The following ITFG1 variants were observed in gnomAD, a reference collection of about 807,000 sequenced individuals.
ITFG1 encodes T-cell immunomodulatory protein.
In ITFG1, 34 loss-of-function variants were observed where a neutral mutation model predicts 81.8. The ratio of observed to expected loss-of-function variants is 0.42; its 90% CI spans 0.32 to 0.55. The LOEUF is 0.55. Ranked by LOEUF, ITFG1 falls within the 20% of genes least tolerant of loss-of-function variation. The probability of loss-of-function intolerance (pLI) is 0.17; values close to 1 mark genes in which losing one functional copy is unlikely to be tolerated. For synonymous variants in ITFG1, 285 were observed against 270.6 expected, an observed-to-expected ratio of 1.05 and a Z score of -0.52; for missense variants, 672 against 755.4, an observed-to-expected ratio of 0.89 and a Z score of 1.29.
intron 5 of ITFG1, among the ~76,000 whole-genome samples, chr16:47,431,633 GTACTAAATGA>G (rs921570615): frequency 1.3e-5 from 2 of 152,156 alleles, no homozygotes; most frequent in African/African-American, 4.8e-5. Flanking sequence ...AATTGTAAAT[GTACTAAATGA>G]TACTAAATTG....
chr16:47,372,062 G>A (rs1187315570), intron 7 of ITFG1, among the ~76,000 whole-genome samples: 11 of 151,816 alleles, frequency 7.2e-5, no homozygotes, highest in South Asian at 2.1e-4. Flanking sequence ...ACAGGCGCCC[G>A]CCACCGCACC....
chr16:47,238,170 C>T, intron 12 of ITFG1, 162 bp from the exon 13 acceptor site: 1 of 525,976 alleles, frequency 1.9e-6, no homozygotes. Context: ...TTCTGTTGTT[C>T]ACTTTATACC....
intron 10 of ITFG1, among the ~76,000 whole-genome samples, chr16:47,304,977 G>A (rs191743318): frequency 6.6e-6 from 1 of 152,096 alleles, no homozygotes; most frequent in Non-Finnish European, 1.5e-5. Flanking sequence ...AACTGTATAT[G>A]TTGATGATTC....
intron 14 of ITFG1, among the ~76,000 whole-genome samples, chr16:47,201,442 C>T (rs1276055479): frequency 1.3e-5 from 2 of 152,116 alleles, no homozygotes; most frequent in African/African-American, 2.4e-5. Context: ...CTCCTGACCT[C>T]GTGATCCTCC....
chr16:47,159,128 C>A, intron 16 of ITFG1, 138 bp from the exon 17 acceptor site: 2 of 418,280 alleles, frequency 4.8e-6, no homozygotes, highest in Non-Finnish European at 4.3e-6. Context: ...TCAGTCCATT[C>A]ATTATAAATA....
At chr16:47,177,748 C>G (rs536025229) in intron 14 of ITFG1, among the ~76,000 whole-genome samples, 1 of 152,138 alleles carries the variant, frequency 6.6e-6, no homozygotes, top group Non-Finnish European at 1.5e-5. Flanking sequence ...CAGGGACCAC[C>G]TTTTAAATAA....
At chr16:47,405,202 C>CTGGTCATATA (rs1427763928) in intron 6 of ITFG1, among the ~76,000 whole-genome samples, 1 of 152,074 alleles carries the variant, frequency 6.6e-6, no homozygotes, top group East Asian at 1.9e-4. Context: ...AGAGAATACA[C>CTGGTCATATA]ATAGAAGATC....
At chr16:47,209,410 T>C (rs1244553339) in intron 14 of ITFG1, among the ~76,000 whole-genome samples, 1 of 152,150 alleles carries the variant, frequency 6.6e-6, no homozygotes, top group African/African-American at 2.4e-5. Context: ...AAATATACAA[T>C]GGTATTTTAG....
chr16:47,418,612 T>C (rs1365983211), intron 6 of ITFG1, among the ~76,000 whole-genome samples: 1 of 152,186 alleles, frequency 6.6e-6, no homozygotes, highest in African/African-American at 2.4e-5. Context: ...TGTACAGTTT[T>C]CCCAGCACTA....
intron 10 of ITFG1, among the ~76,000 whole-genome samples, chr16:47,306,653 A>C (rs879105024): frequency 8.2e-6 from 1 of 122,310 alleles, no homozygotes; most frequent in Non-Finnish European, 1.6e-5. Context: ...GTAAAAAATT[A>C]AAAAAAAAAC....
chr16:47,214,956 A>ACG (rs1965607733), intron 14 of ITFG1, among the ~76,000 whole-genome samples: 2 of 150,862 alleles, frequency 1.3e-5, no homozygotes, highest in African/African-American at 4.9e-5. Flanking sequence ...ACACACACAC[A>ACG]CACACGCACG....
At chr16:47,351,688 C>G (rs949079250) in intron 8 of ITFG1, among the ~76,000 whole-genome samples, 1 of 151,514 alleles carries the variant, frequency 6.6e-6, no homozygotes, top group Non-Finnish European at 1.5e-5. Context: ...CAGTGACTTT[C>G]TTCAGAGAAT....
At chr16:47,202,915 T>C (rs779867358) in intron 14 of ITFG1, among the ~76,000 whole-genome samples, 1 of 152,134 alleles carries the variant, frequency 6.6e-6, no homozygotes, top group Non-Finnish European at 1.5e-5. Context: ...TAAAATGGTG[T>C]GTAGACCCAC....
rs1964692310 is a variant in ITFG1 at position 47,155,702 on chromosome 16, G to A, written c.*17C>T. 2 of 1,569,610 alleles carry A rather than the reference G, an allele frequency of 1.3e-6. No individual in the cohort carries two copies. Among genetic ancestry groups the A allele is most frequent in the Non-Finnish European group, 1.7e-6 (2 of 1,147,798 alleles). On this transcript the variant is annotated 3_prime_UTR_variant, in exon 18 of 18. Coordinates refer to ENST00000320640, the MANE Select transcript of ITFG1 (RefSeq NM_030790.5). ...ATCAAGTGAACAGCCATTCCATTATGTAATATTAAAGGCAAGTCACATAGC... is the reference window on the plus strand; with the variant it reads ...ATCAAGTGAACAGCCATTCCATTATATAATATTAAAGGCAAGTCACATAGC...
chr16:47,327,043 G>C (rs1007755051), intron 8 of ITFG1, among the ~76,000 whole-genome samples: 8 of 152,152 alleles, frequency 5.3e-5, no homozygotes, highest in East Asian at 1.9e-4. Flanking sequence ...AAGAAGAAAG[G>C]TGGAGGCATC....
intron 5 of ITFG1, among the ~76,000 whole-genome samples, chr16:47,433,828 T>G (rs1596981218): frequency 8.7e-6 from 1 of 114,630 alleles, no homozygotes; most frequent in Admixed American, 9.5e-5. Flanking sequence ...TAGTTGTCAA[T>G]AAGAACTAAA....
intron 11 of ITFG1, among the ~76,000 whole-genome samples, chr16:47,258,962 G>A (rs959448202): frequency 6.6e-6 from 1 of 152,174 alleles, no homozygotes; most frequent in African/African-American, 2.4e-5. Context: ...TTTAGTCTCT[G>A]GAGATAATGA....
chr16:47,174,376 T>C (rs1964997423), intron 14 of ITFG1, among the ~76,000 whole-genome samples: 1 of 152,030 alleles, frequency 6.6e-6, no homozygotes, highest in Non-Finnish European at 1.5e-5. Flanking sequence ...CACGCTGATA[T>C]AACAGGTAGG....
At chr16:47,441,069 G>C (rs1371504130) in intron 5 of ITFG1, among the ~76,000 whole-genome samples, 3 of 152,114 alleles carry the variant, frequency 2.0e-5, no homozygotes, top group African/African-American at 4.8e-5. Context: ...AAATAAACTA[G>C]AAAATCTAGA....
Sources: gnomAD v4.1 joint callset for allele counts (sites outside exome capture counted in the v4.1 genomes callset) on GRCh38, gnomAD v4.1.1 for gene constraint, MANE v1.5 for transcripts, NCBI Gene and HGNC (gene_info 2026-07-23, HGNC 2026-07-21) for gene names.